The following GRIK4 variants were observed in gnomAD, a reference collection of about 807,000 sequenced individuals.
GRIK4 encodes the protein glutamate receptor ionotropic, kainate 4.
A neutral mutation model predicts 104.9 loss-of-function variants in GRIK4; 40 were observed. The ratio of observed to expected loss-of-function variants is 0.38; its 90% CI spans 0.30 to 0.50. The LOEUF is 0.50. GRIK4 is among the 20% of genes least tolerant of loss of function. The pLI is 0.93. For synonymous variants in GRIK4, 485 were observed against 524.9 expected, an observed-to-expected ratio of 0.92 and a Z score of 1.04; for missense variants, 1,047 against 1,308.1, an observed-to-expected ratio of 0.80 and a Z score of 3.08.
At position 120,524,799 on chromosome 11, in the gene GRIK4, G is replaced by A. The variant is rs995406554; in HGVS notation, c.-159+12912G>A. Among the ~76,000 whole-genome samples the A allele has an allele frequency of 6.6e-6, 1 of 152,158 alleles. No homozygotes were observed. Among genetic ancestry groups the A allele is most frequent in the Non-Finnish European group, 1.5e-5 (1 of 68,026 alleles). The stretch of plus-strand genomic sequence containing the variant: ...GCATCCTGGGGGCATTTATCATCAC[G>A]CGGAGCTAGTTACGTGGCAGGGCAC... On this transcript the variant is annotated intron_variant, in intron 1 of 20. Coordinates refer to ENST00000527524, the MANE Select transcript of GRIK4 (RefSeq NM_014619.5). The surrounding 1 kb of genome is among the most constrained non-coding windows in gnomAD (Gnocchi z 4.5).
Position 120,900,741 on chromosome 11 carries a change from C to T in GRIK4, c.1272+2102C>T, listed in dbSNP as rs542380662. ...GTTGCCGGGGGAGGGGTATTCTTGG[C>T]ACAGGGAGCTGTCGAAGCAAGCACT... On this transcript the variant is annotated intron_variant, in intron 12 of 20. Transcript: ENST00000527524. Among the ~76,000 whole-genome samples the T allele has an allele frequency of 6.6e-5, 10 of 152,244 alleles. No homozygotes were observed. In the South Asian group the frequency reaches 1.9e-3, roughly 28 times the overall value.
chr11:120,928,071 C>T (rs1943392191), intron 13 of GRIK4, among the ~76,000 whole-genome samples: 1 of 151,706 alleles, frequency 6.6e-6, no homozygotes, highest in Non-Finnish European at 1.5e-5. Flanking sequence ...AAAAATTAGC[C>T]GGGCATGGTG....
chr11:120,832,099 C>A, intron 7 of GRIK4, 69 bp downstream of exon 7: 1 of 1,101,416 alleles, frequency 9.1e-7, no homozygotes, highest in Non-Finnish European at 1.3e-6. Context: ...CTTGAGGGTC[C>A]TCCTGAGCTG....
chr11:120,828,093 C>T (rs1316642075), intron 6 of GRIK4, among the ~76,000 whole-genome samples: 3 of 152,134 alleles, frequency 2.0e-5, no homozygotes, highest in Non-Finnish European at 2.9e-5. Context: ...GGCACTGCTG[C>T]TCCCCTGACT....
chr11:120,578,746 G>A (rs1391639091), intron 1 of GRIK4, among the ~76,000 whole-genome samples: 1 of 152,220 alleles, frequency 6.6e-6, no homozygotes, highest in Non-Finnish European at 1.5e-5. Context: ...CTGGCCAGTG[G>A]TCTCCCCTCC....
chr11:120,758,765 C>G lies in GRIK4; in HGVS notation c.83-43928C>G, dbSNP rs560559804. 4.0e-4 allele frequency among the ~76,000 whole-genome samples: 61 copies of G among 152,266 alleles called. 1 individual carries two copies. Among genetic ancestry groups the G allele is most frequent in the African/African-American group, 1.4e-3 (59 of 41,556 alleles). On this transcript the variant is annotated intron_variant, in intron 3 of 20. Coordinates refer to ENST00000527524, the MANE Select transcript of GRIK4 (RefSeq NM_014619.5). ...AAATAATCACCAGCTGTTAATTGGTCTATAGTGGGCATCTATAAATGGGAG... is the reference window on the plus strand; with the variant it reads ...AAATAATCACCAGCTGTTAATTGGTGTATAGTGGGCATCTATAAATGGGAG...
At chr11:120,590,949 G>A (rs771283086) in intron 1 of GRIK4, among the ~76,000 whole-genome samples, 11 of 151,948 alleles carry the variant, frequency 7.2e-5, no homozygotes, top group Non-Finnish European at 1.3e-4. Context: ...TCTGTAGGCC[G>A]ACTCTCACCT....
chr11:120,805,919 A>C (rs973101902), intron 4 of GRIK4, among the ~76,000 whole-genome samples: 3 of 152,196 alleles, frequency 2.0e-5, no homozygotes, highest in Non-Finnish European at 4.4e-5. Flanking sequence ...GTGGTATAAA[A>C]ATTCAGAGCA....
intron 3 of GRIK4, among the ~76,000 whole-genome samples, chr11:120,717,761 G>A (rs1274070688): frequency 6.6e-6 from 1 of 152,142 alleles, no homozygotes; most frequent in Non-Finnish European, 1.5e-5. Context: ...GTGGGATTCT[G>A]ATCAGGGAAG....
intron 1 of GRIK4, among the ~76,000 whole-genome samples, chr11:120,619,032 T>C (rs1439796974): frequency 6.6e-6 from 1 of 152,188 alleles, no homozygotes; most frequent in Non-Finnish European, 1.5e-5. Context: ...GCTTGTATCT[T>C]GTGCCTGGAA....
chr11:120,636,128 C>T (rs1020732981), intron 1 of GRIK4, among the ~76,000 whole-genome samples: 11 of 152,140 alleles, frequency 7.2e-5, no homozygotes, highest in South Asian at 2.1e-4. Flanking sequence ...TGTAGTGTTC[C>T]GTTGTGTGAA....
intron 6 of GRIK4, among the ~76,000 whole-genome samples, chr11:120,824,593 A>G (rs1250251765): frequency 1.6e-5 from 2 of 122,684 alleles, no homozygotes; most frequent in Non-Finnish European, 3.1e-5. Flanking sequence ...TCTGTTGGCC[A>G]GGCTGGAGTG....
intron 12 of GRIK4, among the ~76,000 whole-genome samples, chr11:120,899,530 C>T (rs936961454): frequency 6.6e-6 from 1 of 152,094 alleles, no homozygotes. Flanking sequence ...TGTCCCCCTG[C>T]CATGTGCCAG....
At position 120,745,909 on chromosome 11, in the gene GRIK4, C is replaced by T. The variant is rs141842251; in HGVS notation, c.83-56784C>T. ...TTGCAACCTCAGCTAGTGATAATAG[C>T]AGCTACCATAGAGCACTGACGATGC... On this transcript the variant is annotated intron_variant, in intron 3 of 20. Transcript: ENST00000527524. Among the ~76,000 whole-genome samples, 1,509 of 152,280 alleles carry T rather than the reference C, an allele frequency of 9.9e-3. 24 individuals are homozygous for T. The highest frequency in any genetic ancestry group is 0.035 in the African/African-American group (1,442 of 41,552).
chr11:120,925,987 G>A (rs1943336904), intron 13 of GRIK4, among the ~76,000 whole-genome samples: 2 of 144,308 alleles, frequency 1.4e-5, no homozygotes. Context: ...AAAAAAAAAA[G>A]AAAGAAAAAA....
chr11:120,637,257 G>A (rs533440555), intron 1 of GRIK4, among the ~76,000 whole-genome samples: 12 of 152,238 alleles, frequency 7.9e-5, no homozygotes, highest in African/African-American at 2.6e-4. Context: ...CCTCATGTTG[G>A]AGTTGTATTG....
chr11:120,745,689 G>A lies in GRIK4; in HGVS notation c.83-57004G>A, dbSNP rs1481757402. On this transcript the variant is annotated intron_variant, in intron 3 of 20. Transcript: ENST00000527524. ...TTCAACAACGTTTGTCCTCTAGGTC[G>A]AATGGATTCTCATTATGTCAGACTA... 3.3e-5 allele frequency among the ~76,000 whole-genome samples: 5 copies of A among 152,260 alleles called. No homozygotes were observed. In the East Asian group the frequency reaches 7.7e-4, roughly 24 times the overall value.
rs2852212 is a variant in GRIK4 at position 120,920,602 on chromosome 11, A to G, written c.1476+15109A>G. Among the ~76,000 whole-genome samples, 298 of 151,638 alleles carry G rather than the reference A, an allele frequency of 2.0e-3. 2 individuals are homozygous for G. Among genetic ancestry groups the G allele is most frequent in the Non-Finnish European group, 3.3e-3 (225 of 67,748 alleles). ...AAGGTTATATGCGCTGTTCCAACCT[A>G]CTCTCTTCTTGCCCTCACATATTCC... On this transcript the variant is annotated intron_variant, in intron 13 of 20. Coordinates refer to ENST00000527524, the MANE Select transcript of GRIK4 (RefSeq NM_014619.5).
At chr11:120,617,591 G>T (rs1452381257) in intron 1 of GRIK4, among the ~76,000 whole-genome samples, 2 of 152,102 alleles carry the variant, frequency 1.3e-5, no homozygotes, top group Non-Finnish European at 2.9e-5. Context: ...TGGATCAGTG[G>T]GGCCTGGTTG....
Sources: gnomAD v4.1 joint callset for allele counts (sites outside exome capture counted in the v4.1 genomes callset) on GRCh38, gnomAD v4.1.1 for gene constraint, Gnocchi (gnomAD v3.1) non-coding constraint, MANE v1.5 for transcripts, NCBI Gene and HGNC (gene_info 2026-07-23, HGNC 2026-07-21) for gene names.